Variants in FGFR2 observed in about 807,000 individuals in gnomAD.
The protein encoded by FGFR2 is BEK fibroblast growth factor receptor.
Under a neutral mutation model 95.9 loss-of-function variants are expected in FGFR2, and 19 were observed. The observed-to-expected ratio is 0.20, with a 90% CI of 0.14 to 0.29. FGFR2 has a LOEUF of 0.29. Ranked by LOEUF, FGFR2 falls within the 10% of genes least tolerant of loss-of-function variation. The probability of loss-of-function intolerance (pLI) is 1.00; values close to 1 mark genes in which losing one functional copy is unlikely to be tolerated. For missense variants in FGFR2, 707 were observed against 1,056.9 expected, an observed-to-expected ratio of 0.67 and a Z score of 4.59; for synonymous variants, 392 against 393.3, an observed-to-expected ratio of 1.00 and a Z score of 0.04.
At chr10:121,540,003 T>C (rs899056712) in intron 5 of FGFR2, among the ~76,000 whole-genome samples, 1 of 152,214 alleles carries the variant, frequency 6.6e-6, no homozygotes, top group African/African-American at 2.4e-5. Flanking sequence ...CTCAGTTCTA[T>C]GCAAGCCATG....
At chr10:121,505,055 C>T (rs1848101685) in intron 9 of FGFR2, among the ~76,000 whole-genome samples, 1 of 152,212 alleles carries the variant, frequency 6.6e-6, no homozygotes, top group South Asian at 2.1e-4. Context: ...GGATAGTACT[C>T]CTGGATGTGC....
chr10:121,589,529 T>C (rs1862316292), intron 2 of FGFR2, among the ~76,000 whole-genome samples: 1 of 152,176 alleles, frequency 6.6e-6, no homozygotes, highest in Non-Finnish European at 1.5e-5. Flanking sequence ...ATTGGCATAG[T>C]AAGTGCTCTG....
chr10:121,510,020 G>A (rs1207652631), intron 9 of FGFR2, among the ~76,000 whole-genome samples: 1 of 152,050 alleles, frequency 6.6e-6, no homozygotes, highest in Non-Finnish European at 1.5e-5. Flanking sequence ...ACATACTTCT[G>A]CTCTAATATA....
intron 2 of FGFR2, among the ~76,000 whole-genome samples, chr10:121,568,520 G>T (rs1196396079): frequency 1.3e-5 from 2 of 152,032 alleles, no homozygotes; most frequent in Non-Finnish European, 2.9e-5. Context: ...CACAGGGAAG[G>T]CACCTGGGAC....
chr10:121,549,829 A>G (rs543281335), intron 5 of FGFR2, among the ~76,000 whole-genome samples: 1 of 152,204 alleles, frequency 6.6e-6, no homozygotes, highest in Admixed American at 6.5e-5. Context: ...CTCAGCCTCA[A>G]CCCTTCCTTG....
At chr10:121,514,542 T>C (rs573510497) in intron 9 of FGFR2, among the ~76,000 whole-genome samples, 11 of 152,274 alleles carry the variant, frequency 7.2e-5, no homozygotes, top group Non-Finnish European at 1.3e-4. Flanking sequence ...TGAGACATAA[T>C]AGATGCATAC....
rs7070241 is a variant in FGFR2, at chr10:121,544,056, G to C, written c.625-5341C>G. On this transcript the variant is annotated intron_variant, in intron 5 of 17. Coordinates refer to ENST00000358487, the MANE Select transcript of FGFR2 (RefSeq NM_000141.5). ...ATATACCAGAGAAACTTATAGCAAG[G>C]ACTGGGACAGATACTTGTACACCAA... Among the ~76,000 whole-genome samples, 1,206 of 152,252 alleles carry C rather than the reference G, an allele frequency of 7.9e-3. 23 individuals carry two copies. Among genetic ancestry groups the C allele is most frequent in the African/African-American group, 0.028 (1,147 of 41,540 alleles).
chr10:121,540,545 A>T (rs189032623), intron 5 of FGFR2, among the ~76,000 whole-genome samples: 24 of 152,310 alleles, frequency 1.6e-4, no homozygotes, highest in African/African-American at 5.8e-4. Flanking sequence ...TGCTAAGAGC[A>T]TGGGACACAT....
rs578157818 is a variant in FGFR2, at chr10:121,485,026, T to G, written c.2195+369A>C. 6.6e-6 allele frequency among the ~76,000 whole-genome samples: 1 copy of G among 152,260 alleles called. No individual in the cohort carries two copies. The highest frequency in any genetic ancestry group is 1.9e-4 in the East Asian group (1 of 5,162). ...ACACCCTGCAGGGCGGCCCCGCGGCTTTCTAGCTTGTTTCCTGACCCGTGG... is the reference window on the plus strand; with the variant it reads ...ACACCCTGCAGGGCGGCCCCGCGGCGTTCTAGCTTGTTTCCTGACCCGTGG... On this transcript the variant is annotated intron_variant, in intron 16 of 17. Coordinates refer to ENST00000358487, the MANE Select transcript of FGFR2 (RefSeq NM_000141.5). This position sits in a 1 kb window ranked among gnomAD's most constrained non-coding sequence, Gnocchi z 4.2.
At chr10:121,481,554 A>G (rs1340392835) in intron 17 of FGFR2, among the ~76,000 whole-genome samples, 1 of 152,182 alleles carries the variant, frequency 6.6e-6, no homozygotes, top group Non-Finnish European at 1.5e-5. Context: ...CCACCACATC[A>G]AAAGAGAACT....
intron 10 of FGFR2, among the ~76,000 whole-genome samples, chr10:121,501,683 T>G (rs1016312865): frequency 6.6e-6 from 1 of 152,176 alleles, no homozygotes; most frequent in Non-Finnish European, 1.5e-5. Context: ...TCTTTCTAAC[T>G]TAAGCATAAC....
intron 2 of FGFR2, among the ~76,000 whole-genome samples, chr10:121,566,883 G>A (rs1433695794): frequency 6.6e-6 from 1 of 151,992 alleles, no homozygotes; most frequent in Non-Finnish European, 1.5e-5. Flanking sequence ...GGACCCACAA[G>A]GATCCAACCC....
chr10:121,598,274 C>CG lies in FGFR2; in HGVS notation c.-464dup, dbSNP rs1349521264. 2 of 384,094 alleles carry CG rather than the reference C, an allele frequency of 5.2e-6. No homozygotes were observed. Among genetic ancestry groups the CG allele is most frequent in the Non-Finnish European group, 9.2e-6 (2 of 216,792 alleles). 23.8% of individuals were successfully genotyped at this position (384,094 alleles called of 1,614,324 possible). ...AGAGCGCGCAGGCAAGCTGCGGCCTCGGGGCCCCCGGGGCTCGCGGCCGGC... is the reference window on the plus strand; with the variant it reads ...AGAGCGCGCAGGCAAGCTGCGGCCTCGGGGGCCCCCGGGGCTCGCGGCCGGC... On this transcript the variant is annotated 5_prime_UTR_variant, in exon 1 of 18. The change abolishes the stop of an existing upstream ORF in the 5' untranslated region. Transcript: ENST00000358487.
At chr10:121,581,433 C>T (rs1047259035) in intron 2 of FGFR2, among the ~76,000 whole-genome samples, 1 of 151,978 alleles carries the variant, frequency 6.6e-6, no homozygotes, top group Non-Finnish European at 1.5e-5. Context: ...CAGGTGGGTG[C>T]CACCTCCTTA....
At chr10:121,501,062 A>G (rs1285368403) in intron 10 of FGFR2, 115 bp from the exon 11 acceptor site, 21 of 1,436,468 alleles carry the variant, frequency 1.5e-5, no homozygotes, top group Admixed American at 7.3e-5. Context: ...TGGAGTGCTT[A>G]TCATATGGAA....
At chr10:121,530,706 C>G (rs1851975826) in intron 6 of FGFR2, among the ~76,000 whole-genome samples, 1 of 152,202 alleles carries the variant, frequency 6.6e-6, no homozygotes, top group Non-Finnish European at 1.5e-5. Context: ...GAGAGAAACT[C>G]TAATTTCTTG....
intron 5 of FGFR2, among the ~76,000 whole-genome samples, chr10:121,539,842 A>G (rs188800954): frequency 5.9e-5 from 9 of 152,350 alleles, no homozygotes; most frequent in African/African-American, 1.9e-4. Context: ...GAAACTAGAG[A>G]ATAAAGAAAA....
At chr10:121,575,239 C>T (rs1419409319) in intron 2 of FGFR2, among the ~76,000 whole-genome samples, 1 of 152,198 alleles carries the variant, frequency 6.6e-6, no homozygotes, top group Admixed American at 6.5e-5. Context: ...TAAAAATGCA[C>T]ACAGAGTAAA....
intron 9 of FGFR2, 89 bp downstream of exon 9, chr10:121,515,028 G>C (rs1285640543): frequency 4.0e-6 from 5 of 1,248,774 alleles, no homozygotes; most frequent in East Asian, 4.6e-5. Context: ...GCTCACAGAA[G>C]TCGATGGCAT....
Sources: allele counts gnomAD v4.1 joint callset (sites outside exome capture counted in the v4.1 genomes callset), GRCh38; gene constraint gnomAD v4.1.1; non-coding constraint Gnocchi (gnomAD v3.1); transcripts MANE v1.5; gene names NCBI Gene and HGNC (gene_info 2026-07-23, HGNC 2026-07-21).